PAK5: variants seen among roughly 807,000 people sequenced by gnomAD.
The protein encoded by PAK5 is p21 (RAC1) activated kinase 5, also known as serine/threonine-protein kinase PAK 5.
PAK5 carries 16 observed loss-of-function variants against 65.9 expected under a neutral mutation model. The observed-to-expected ratio is 0.24, with a 90% CI of 0.16 to 0.37. PAK5 has a LOEUF of 0.37. Ranked by LOEUF, PAK5 falls within the 10% of genes least tolerant of loss-of-function variation. The pLI is 1.00. For missense variants in PAK5, 785 were observed against 903.9 expected (o/e 0.87, Z 1.69); for synonymous variants, 371 against 354.9 (o/e 1.05, Z -0.51).
At chr20:9,721,282 G>A (rs2048209692) in intron 1 of PAK5, among the ~76,000 whole-genome samples, 1 of 151,960 alleles carries the variant, frequency 6.6e-6, no homozygotes, top group Admixed American at 6.6e-5. Context: ...CTCGGGCTTG[G>A]CATCACTTAA....
intron 1 of PAK5, among the ~76,000 whole-genome samples, chr20:9,789,065 G>C (rs1050026989): frequency 6.6e-6 from 1 of 152,286 alleles, no homozygotes; most frequent in East Asian, 1.9e-4. Context: ...GTTCCTAGCT[G>C]AGCTCTATGG....
chr20:9,725,586 TA>T (rs1254285141), intron 1 of PAK5, among the ~76,000 whole-genome samples: 2 of 152,196 alleles, frequency 1.3e-5, no homozygotes, highest in African/African-American at 2.4e-5. Context: ...TGAATAGAAG[TA>T]ATGTTTTGGT....
At chr20:9,722,345 C>T (rs961967320) in intron 1 of PAK5, among the ~76,000 whole-genome samples, 6 of 151,996 alleles carry the variant, frequency 3.9e-5, no homozygotes, top group Non-Finnish European at 8.8e-5. Flanking sequence ...CAAGGCCGGG[C>T]GTCGTGGCTG....
At chr20:9,722,157 A>G (rs1032022739) in intron 1 of PAK5, among the ~76,000 whole-genome samples, 2 of 152,140 alleles carry the variant, frequency 1.3e-5, no homozygotes, top group Non-Finnish European at 2.9e-5. Context: ...AGTGAGTGTT[A>G]TAGACAACAG....
intron 4 of PAK5, among the ~76,000 whole-genome samples, chr20:9,570,100 T>C (rs372468095): frequency 1.8e-4 from 27 of 152,108 alleles, no homozygotes; most frequent in African/African-American, 5.6e-4. Context: ...ATCCGTAAAA[T>C]GGAACAATAA....
intron 1 of PAK5, among the ~76,000 whole-genome samples, chr20:9,776,948 A>T (rs543926540): frequency 2.2e-4 from 33 of 152,330 alleles, no homozygotes; most frequent in African/African-American, 7.7e-4. Context: ...ATAAATAAAG[A>T]TATATTCACT....
chr20:9,802,582 T>C (rs966426854), intron 1 of PAK5, among the ~76,000 whole-genome samples: 1 of 152,102 alleles, frequency 6.6e-6, no homozygotes, highest in Non-Finnish European at 1.5e-5. Flanking sequence ...GATTTTTTAT[T>C]GTTTTGAATA....
chr20:9,595,093 A>G (rs2046239659), intron 3 of PAK5, among the ~76,000 whole-genome samples: 2 of 150,934 alleles, frequency 1.3e-5, no homozygotes, highest in South Asian at 4.2e-4. Flanking sequence ...ATATATACAC[A>G]TATACATATA....
At chr20:9,620,636 TG>T in intron 3 of PAK5, among the ~76,000 whole-genome samples, 1 of 152,250 alleles carries the variant, frequency 6.6e-6, no homozygotes, top group African/African-American at 2.4e-5. Flanking sequence ...CACAGTGATA[TG>T]GGGACCCAAG....
chr20:9,800,334 T>C (rs2049155286), intron 1 of PAK5, among the ~76,000 whole-genome samples: 1 of 152,192 alleles, frequency 6.6e-6, no homozygotes, highest in African/African-American at 2.4e-5. Flanking sequence ...TATTCTCATT[T>C]AGCTTCAAGC....
chr20:9,817,633 C>T (rs1485519311), intron 1 of PAK5, among the ~76,000 whole-genome samples: 1 of 151,988 alleles, frequency 6.6e-6, no homozygotes, highest in African/African-American at 2.4e-5. Context: ...GATGACAACC[C>T]ACAGCAGCCC....
chr20:9,803,551 C>T (rs180771968), intron 1 of PAK5, among the ~76,000 whole-genome samples: 25 of 152,224 alleles, frequency 1.6e-4, no homozygotes, highest in Middle Eastern at 3.4e-3. Flanking sequence ...AACATGTCAG[C>T]CTTCTAAACA....
chr20:9,716,922 G>GA (rs1361927139), intron 1 of PAK5, among the ~76,000 whole-genome samples: 10 of 151,866 alleles, frequency 6.6e-5, no homozygotes, highest in African/African-American at 2.2e-4. Flanking sequence ...CGTCTCCACA[G>GA]AAAAATACAA....
chr20:9,593,418 C>G (rs1355235363), intron 3 of PAK5, among the ~76,000 whole-genome samples: 1 of 152,150 alleles, frequency 6.6e-6, no homozygotes, highest in African/African-American at 2.4e-5. Context: ...CCCAGAGACA[C>G]CTGCAAGTCT....
At chr20:9,822,464 A>G (rs1261948515) in intron 1 of PAK5, among the ~76,000 whole-genome samples, 1 of 152,168 alleles carries the variant, frequency 6.6e-6, no homozygotes, top group Non-Finnish European at 1.5e-5. Flanking sequence ...TGTACAATTG[A>G]ACACCTATAG....
At chr20:9,800,899 A>T (rs1332916821) in intron 1 of PAK5, among the ~76,000 whole-genome samples, 2 of 151,982 alleles carry the variant, frequency 1.3e-5, no homozygotes, top group African/African-American at 4.8e-5. Context: ...GAGAGCTAAG[A>T]TGCCACAGAC....
intron 3 of PAK5, among the ~76,000 whole-genome samples, chr20:9,586,976 T>A (rs939255848): frequency 1.3e-5 from 2 of 152,208 alleles, no homozygotes; most frequent in Non-Finnish European, 2.9e-5. Context: ...CAAACCTTTT[T>A]AAGTCACTGT....
intron 1 of PAK5, among the ~76,000 whole-genome samples, chr20:9,764,323 T>C (rs1323138337): frequency 6.6e-6 from 1 of 152,162 alleles, no homozygotes; most frequent in Non-Finnish European, 1.5e-5. Flanking sequence ...ACTGTGTAGA[T>C]ACCATTAGGT....
At chr20:9,769,878 TA>T (rs1454397369) in intron 1 of PAK5, among the ~76,000 whole-genome samples, 2 of 152,342 alleles carry the variant, frequency 1.3e-5, no homozygotes, top group Admixed American at 1.3e-4. Context: ...AGGAGCTCTT[TA>T]AAAACTAAAT....
Sources: gnomAD v4.1 joint callset for allele counts (sites outside exome capture counted in the v4.1 genomes callset) on GRCh38, gnomAD v4.1.1 for gene constraint, MANE v1.5 for transcripts, NCBI Gene and HGNC (gene_info 2026-07-23, HGNC 2026-07-21) for gene names.